ABLIM2: variants seen among roughly 807,000 people sequenced by gnomAD.
ABLIM2 encodes the protein actin-binding LIM protein 2.
ABLIM2 carries 53 observed loss-of-function variants against 97.7 expected under a neutral mutation model. The observed-to-expected ratio is 0.54, with a 90% CI of 0.44 to 0.68. The LOEUF (loss-of-function observed/expected upper bound fraction) is 0.68. Among genes scored for constraint, ABLIM2 ranks in the 30% least tolerant of loss-of-function variants. The pLI is 0.00. For synonymous variants in ABLIM2, 361 were observed against 345.8 expected, an observed-to-expected ratio of 1.04 and a Z score of -0.49; for missense variants, 835 against 867.2, an observed-to-expected ratio of 0.96 and a Z score of 0.47.
chr4:7,993,986 G>A (rs1447074675), intron 16 of ABLIM2: 2 of 498,444 alleles, frequency 4.0e-6, no homozygotes, highest in Non-Finnish European at 8.0e-6. Context: ...GTGAACGCCT[G>A]CCTGGCTCAG....
In ABLIM2 at chr4:8,082,901, C is replaced by G. The variant is rs939479593; in HGVS notation, c.455-2099G>C. Among the ~76,000 whole-genome samples, 2 of 152,228 alleles carry G rather than the reference C, an allele frequency of 1.3e-5. No individual in the cohort carries two copies. The highest frequency in any genetic ancestry group is 2.9e-5 in the Non-Finnish European group (2 of 68,038). ...CCTGACTTAGCCTCCTGGCTTCCCC[C>G]ACTTAGCAGGTGATGAGGCACATTT... On this transcript the variant is annotated intron_variant, in intron 4 of 20. Transcript: ENST00000447017. This position sits in a 1 kb window ranked among gnomAD's most constrained non-coding sequence, Gnocchi z 5.6.
chr4:8,080,886 G>T, intron 4 of ABLIM2, 84 bp from the exon 5 acceptor site: 1 of 1,496,306 alleles, frequency 6.7e-7, no homozygotes, highest in Non-Finnish European at 9.0e-7. Flanking sequence ...ACTCCGTGAA[G>T]GCCCCTGGGG....
intron 1 of ABLIM2, among the ~76,000 whole-genome samples, chr4:8,131,101 A>C (rs1007673941): frequency 6.6e-6 from 1 of 152,198 alleles, no homozygotes; most frequent in Non-Finnish European, 1.5e-5. Flanking sequence ...ATCATCCAGG[A>C]TCAGCTCCCC....
chr4:8,078,871 G>C (rs1236574722), intron 5 of ABLIM2, among the ~76,000 whole-genome samples: 1 of 152,248 alleles, frequency 6.6e-6, no homozygotes, highest in African/African-American at 2.4e-5. Flanking sequence ...GGGGTGACTG[G>C]CACAGAGCGA....
At position 7,983,248 on chromosome 4, in the gene ABLIM2, GC is replaced by G; in HGVS notation, c.1824+15del. 1.2e-6 allele frequency: 2 copies of G among 1,603,494 alleles called. No individual in the cohort carries two copies. The highest frequency in any genetic ancestry group is 1.7e-6 in the Non-Finnish European group (2 of 1,175,502). The stretch of plus-strand genomic sequence containing the variant: ...CATGGGAAATGAGTCCCCTGCCCCG[GC>G]AGTCCCCCGCTTACCTCCAGTCTCG... On this transcript the variant is annotated intron_variant, in intron 20 of 20. Coordinates refer to ENST00000447017, the MANE Select transcript of ABLIM2 (RefSeq NM_001130083.2).
chr4:8,046,954 G>A lies in ABLIM2; in HGVS notation c.823-1713C>T, dbSNP rs768812792. Among the ~76,000 whole-genome samples the A allele has an allele frequency of 6.6e-6, 1 of 152,186 alleles. No individual in the cohort carries two copies. Among genetic ancestry groups the A allele is most frequent in the African/African-American group, 2.4e-5 (1 of 41,440 alleles). On this transcript the variant is annotated intron_variant, in intron 8 of 20. Transcript: ENST00000447017. The surrounding 1 kb of genome is among the most constrained non-coding windows in gnomAD (Gnocchi z 4.4). ...TGGCCTTTTGGGCTCCAGAGCTGTG[G>A]GAAGGTGGGTTTCTGCTGTGCAGGC...
At chr4:8,047,911 G>A (rs1210536751) in intron 8 of ABLIM2, among the ~76,000 whole-genome samples, 3 of 152,236 alleles carry the variant, frequency 2.0e-5, no homozygotes, top group Non-Finnish European at 2.9e-5. Flanking sequence ...TGAACATTGG[G>A]TGTTTTAGAA....
rs1403784470 is a variant in ABLIM2 at position 8,046,382 on chromosome 4, C to T, written c.823-1141G>A. ...TGCACACCCCTCTCCTGGTTCAGCCCTCACTCCTGGGCCACCTGCCTGGCC... is the reference window on the plus strand; with the variant it reads ...TGCACACCCCTCTCCTGGTTCAGCCTTCACTCCTGGGCCACCTGCCTGGCC... On this transcript the variant is annotated intron_variant, in intron 8 of 20. Transcript: ENST00000447017. This position sits in a 1 kb window ranked among gnomAD's most constrained non-coding sequence, Gnocchi z 4.4. Among the ~76,000 whole-genome samples, 1 of 152,116 alleles carries T rather than the reference C, an allele frequency of 6.6e-6. No homozygotes were observed. Among genetic ancestry groups the T allele is most frequent in the Non-Finnish European group, 1.5e-5 (1 of 68,018 alleles).
At position 8,085,873 on chromosome 4, in the gene ABLIM2, G is replaced by T. The variant is rs140910816; in HGVS notation, c.454+2296C>A. On this transcript the variant is annotated intron_variant, in intron 4 of 20. Coordinates refer to ENST00000447017, the MANE Select transcript of ABLIM2 (RefSeq NM_001130083.2). The surrounding 1 kb of genome is among the most constrained non-coding windows in gnomAD (Gnocchi z 6.1). ...ACCTTGGACAGCCTCTAGTCCTAGTGGGGTGAGCTCACTTGCTTTGGAGTT... is the reference window on the plus strand; with the variant it reads ...ACCTTGGACAGCCTCTAGTCCTAGTTGGGTGAGCTCACTTGCTTTGGAGTT... Among the ~76,000 whole-genome samples the T allele has an allele frequency of 6.6e-6, 1 of 152,196 alleles. No individual in the cohort carries two copies. The highest frequency in any genetic ancestry group is 2.4e-5 in the African/African-American group (1 of 41,448).
At chr4:8,091,332 A>T (rs865799841) in intron 3 of ABLIM2, among the ~76,000 whole-genome samples, 7 of 28,212 alleles carry the variant, frequency 2.5e-4, no homozygotes, top group East Asian at 7.8e-4. Flanking sequence ...TATATATATT[A>T]TATATATAAT....
intron 2 of ABLIM2, 50 bp downstream of exon 2, chr4:8,106,444 T>G (rs779869881): frequency 6.4e-7 from 1 of 1,562,448 alleles, no homozygotes. Flanking sequence ...GGATCGCCGC[T>G]GGGAGGCCCG....
Position 8,127,639 on chromosome 4 carries a change from C to T in ABLIM2, c.11-21002G>A, listed in dbSNP as rs1392924616. ...CCCTCTGCGTGGCTGGGCCTGGCAC[C>T]CACGGAGGATCGGGCAGGAGTGGAC... On this transcript the variant is annotated intron_variant, in intron 1 of 20. Coordinates refer to ENST00000447017, the MANE Select transcript of ABLIM2 (RefSeq NM_001130083.2). The surrounding 1 kb of genome is among the most constrained non-coding windows in gnomAD (Gnocchi z 7.3). 1.6e-6 allele frequency: 2 copies of T among 1,287,964 alleles called. No homozygotes were observed. The highest frequency in any genetic ancestry group is 3.0e-5 in the African/African-American group (2 of 65,846). 79.8% of individuals were successfully genotyped at this position (1,287,964 alleles called of 1,614,324 possible). A position where few individuals can be genotyped will look rare whatever the true frequency, so the allele number is the denominator to read the frequency against.
intron 20 of ABLIM2, among the ~76,000 whole-genome samples, chr4:7,977,790 C>CAATAAATAAATAAATAAATAAATA (rs10660218): frequency 4.5e-4 from 64 of 142,304 alleles, no homozygotes; most frequent in Non-Finnish European, 8.6e-4. Flanking sequence ...GACTCTGTCT[C>CAATAAATAAATAAATAAATAAATA]AATAAATAAA....
chr4:8,028,598 C>T (rs977962315), intron 11 of ABLIM2, among the ~76,000 whole-genome samples: 1 of 152,218 alleles, frequency 6.6e-6, no homozygotes, highest in Admixed American at 6.5e-5. Context: ...CACTCATTCA[C>T]TCACTCACTC....
chr4:8,015,370 C>T lies in ABLIM2; in HGVS notation c.1423+4248G>A, dbSNP rs564296340. On this transcript the variant is annotated intron_variant, in intron 14 of 20. Coordinates refer to ENST00000447017, the MANE Select transcript of ABLIM2 (RefSeq NM_001130083.2). The surrounding 1 kb of genome is among the most constrained non-coding windows in gnomAD (Gnocchi z 4.6). ...CCTCTAGGGAGAGGCTGAGTTCCTA[C>T]TCCCCGGCTCCCCTGGGGAGCCTCA... 1.3e-5 allele frequency among the ~76,000 whole-genome samples: 2 copies of T among 152,086 alleles called. No individual in the cohort carries two copies. The highest frequency in any genetic ancestry group is 2.4e-5 in the African/African-American group (1 of 41,418).
At chr4:8,084,671 G>A (rs540324404) in intron 4 of ABLIM2, among the ~76,000 whole-genome samples, 1 of 152,226 alleles carries the variant, frequency 6.6e-6, no homozygotes, top group East Asian at 1.9e-4. Flanking sequence ...AGCCAGGGGC[G>A]GCCAGGCCCA....
intron 2 of ABLIM2, among the ~76,000 whole-genome samples, chr4:8,100,924 T>A (rs1456489931): frequency 6.6e-6 from 1 of 152,064 alleles, no homozygotes; most frequent in African/African-American, 2.4e-5. Context: ...ATGTGAGGAA[T>A]CTGCATGGTG....
chr4:8,075,337 G>C lies in ABLIM2; in HGVS notation c.675+2291C>G, dbSNP rs1342668622. On this transcript the variant is annotated intron_variant, in intron 6 of 20. Transcript: ENST00000447017. The surrounding 1 kb of genome is among the most constrained non-coding windows in gnomAD (Gnocchi z 4.4). ...AGGTATGGGGTTCTTTCTAAGGTGA[G>C]GAAACTGTTCTAAAATTGACTGTGG... is the stretch of plus-strand genomic sequence containing the variant. 6.6e-6 allele frequency among the ~76,000 whole-genome samples: 1 copy of C among 152,126 alleles called. No homozygotes were observed. Among genetic ancestry groups the C allele is most frequent in the Non-Finnish European group, 1.5e-5 (1 of 68,036 alleles).
intron 1 of ABLIM2, among the ~76,000 whole-genome samples, chr4:8,133,406 G>T (rs552093328): frequency 1.3e-5 from 2 of 152,124 alleles, no homozygotes; most frequent in Admixed American, 6.5e-5. Context: ...CGTCCCCTGC[G>T]GGGTATCTCT....
Sources: allele counts gnomAD v4.1 joint callset (sites outside exome capture counted in the v4.1 genomes callset), GRCh38; gene constraint gnomAD v4.1.1; non-coding constraint Gnocchi (gnomAD v3.1); transcripts MANE v1.5; gene names NCBI Gene and HGNC (gene_info 2026-07-23, HGNC 2026-07-21).